Variants in ABCG8 observed in about 807,000 individuals in gnomAD.
ABCG8 encodes ATP-binding cassette sub-family G member 8.
A neutral mutation model predicts 71.3 loss-of-function variants in ABCG8; 81 were observed. The ratio of observed to expected loss-of-function variants is 1.14; its 90% CI spans 0.95 to 1.37. The LOEUF (loss-of-function observed/expected upper bound fraction) is 1.37. ABCG8 is among the 40% of genes most tolerant of loss of function. ABCG8 has a pLI of 0.00. For missense variants in ABCG8, 1,119 were observed against 866.2 expected (o/e 1.29, Z -3.66); for synonymous variants, 451 against 354.7 (o/e 1.27, Z -3.05).
intron 9 of ABCG8, 51 bp downstream of exon 9, chr2:43,874,037 C>G (rs1572866011): frequency 6.3e-7 from 1 of 1,584,976 alleles, no homozygotes; most frequent in Non-Finnish European, 8.6e-7. Context: ...CACCTCCAAG[C>G]TGTGTTCCTC....
intron 10 of ABCG8, among the ~76,000 whole-genome samples, chr2:43,874,744 A>G (rs535877998): frequency 6.6e-5 from 10 of 152,322 alleles, no homozygotes; most frequent in African/African-American, 2.4e-4. Context: ...AGAAGTCCTC[A>G]TTGTATTTTA....
chr2:43,868,738 G>A (rs1240438932), intron 6 of ABCG8, among the ~76,000 whole-genome samples: 1 of 150,732 alleles, frequency 6.6e-6, no homozygotes, highest in South Asian at 2.1e-4. Context: ...CTATCGATCA[G>A]GATAGAATTC....
chr2:43,840,420 G>C (rs1016320849), intron 1 of ABCG8, among the ~76,000 whole-genome samples: 1 of 152,194 alleles, frequency 6.6e-6, no homozygotes, highest in South Asian at 2.1e-4. Flanking sequence ...ACCACAGCTT[G>C]AGAGGCAAAG....
chr2:43,839,363 G>A (rs1448889342), intron 1 of ABCG8, among the ~76,000 whole-genome samples: 1 of 141,844 alleles, frequency 7.1e-6, no homozygotes, highest in African/African-American at 2.6e-5. Flanking sequence ...TCTTTTGTGT[G>A]ATGTGGGACA....
At chr2:43,852,145 G>C (rs554104050) in intron 4 of ABCG8, among the ~76,000 whole-genome samples, 1 of 152,346 alleles carries the variant, frequency 6.6e-6, no homozygotes, top group African/African-American at 2.4e-5. Flanking sequence ...CCTAACACAG[G>C]GCACCATGCC....
At chr2:43,841,929 A>G (rs1668591954) in intron 1 of ABCG8, among the ~76,000 whole-genome samples, 1 of 152,198 alleles carries the variant, frequency 6.6e-6, no homozygotes, top group African/African-American at 2.4e-5. Context: ...ACATTGTCTA[A>G]TATCCCTCCT....
chr2:43,874,953 G>C (rs1386491162), intron 10 of ABCG8, among the ~76,000 whole-genome samples, 193 bp from the exon 11 acceptor site: 1 of 152,158 alleles, frequency 6.6e-6, no homozygotes, highest in African/African-American at 2.4e-5. Context: ...TGCCCTAGAG[G>C]GAGCATTTGG....
In ABCG8 at chr2:43,874,301, G is replaced by T; in HGVS notation, c.1412-106G>T. The T allele has an allele frequency of 2.9e-6, 3 of 1,040,502 alleles. No homozygotes were observed. In the South Asian group the frequency reaches 3.9e-5, roughly 13 times the overall value. 64.5% of individuals were successfully genotyped at this position (1,040,502 alleles called of 1,614,324 possible). The stretch of plus-strand genomic sequence containing the variant: ...TTTAAAAAAAAAAATTAGAGACTTG[G>T]GCAATATGATAACTACTTTGAATTG... On this transcript the variant is annotated intron_variant, in intron 9 of 12. Transcript: ENST00000272286.
At position 43,851,746 on chromosome 2, in the gene ABCG8, C is replaced by G. The variant is rs755956704; in HGVS notation, c.485C>G (p.Thr162Ser). Residue 162 changes from threonine (T) to serine (S), a missense_variant, in exon 4 of 13, where the codon ACT becomes AGT. By Grantham distance (58) the Thr-to-Ser change is moderately conservative (BLOSUM62 1). Coordinates refer to ENST00000272286, the MANE Select transcript of ABCG8 (RefSeq NM_022437.3). ...RQHNQLLPNL[T>S]VRETLAFIAQ... ...CACAACCAGCTGCTCCCCAACTTGA[C>G]TGTGCGAGAGACCTTGGCCTTCATT... The G allele has an allele frequency of 1.9e-6, 3 of 1,614,276 alleles. No homozygotes were observed. Among genetic ancestry groups the G allele is most frequent in the Non-Finnish European group, 2.5e-6 (3 of 1,180,044 alleles).
intron 9 of ABCG8, 66 bp from the exon 10 acceptor site, chr2:43,874,341 C>T: frequency 7.6e-7 from 1 of 1,307,384 alleles, no homozygotes; most frequent in Non-Finnish European, 1.1e-6. Context: ...AAGAGAGTCT[C>T]CAAAACAGAA....
rs543122409 is a variant in ABCG8 at position 43,863,384 on chromosome 2, G to A, written c.965-8592G>A. On this transcript the variant is annotated intron_variant, in intron 6 of 12. Coordinates refer to ENST00000272286, the MANE Select transcript of ABCG8 (RefSeq NM_022437.3). ...ATCTGCATAGAATTCTCACTCTCTA[G>A]ATAGAACTCTCGCTATTCATCTAGA... Among the ~76,000 whole-genome samples the A allele has an allele frequency of 1.8e-3, 265 of 147,504 alleles. 1 individual carries two copies. Among genetic ancestry groups the A allele is most frequent in the Middle Eastern group, 4.1e-3 (1 of 242 alleles).
intron 6 of ABCG8, among the ~76,000 whole-genome samples, chr2:43,862,562 C>G (rs1010062059): frequency 2.7e-5 from 4 of 145,712 alleles, no homozygotes; most frequent in Admixed American, 1.4e-4. Flanking sequence ...GAATAAAACT[C>G]TCACTATGTT....
In ABCG8 at chr2:43,839,038, C is replaced by T. The variant is rs898914312; in HGVS notation, c.-16C>T. On this transcript the variant is annotated 5_prime_UTR_variant, in exon 1 of 13. Transcript: ENST00000272286. ...CTAAGAGAGCTGCAGCCCAGGGTCA[C>T]AGACCTGTGGGCCCCATGGCCGGGA... is the stretch of plus-strand genomic sequence containing the variant. 21 of 1,550,724 alleles carry T rather than the reference C, an allele frequency of 1.4e-5. No homozygotes were observed. The highest frequency in any genetic ancestry group is 1.7e-5 in the Non-Finnish European group (20 of 1,146,688).
At chr2:43,867,763 C>T (rs530390153) in intron 6 of ABCG8, among the ~76,000 whole-genome samples, 10 of 152,096 alleles carry the variant, frequency 6.6e-5, no homozygotes, top group Non-Finnish European at 5.9e-5. Flanking sequence ...AGAACTGTCA[C>T]TATCTGGAAG....
intron 6 of ABCG8, among the ~76,000 whole-genome samples, chr2:43,860,027 T>A (rs1669251179): frequency 6.6e-6 from 1 of 151,198 alleles, no homozygotes; most frequent in Admixed American, 6.6e-5. Context: ...CTGGATAGAA[T>A]TATCATCCTC....
chr2:43,868,593 A>G (rs1669619178), intron 6 of ABCG8, among the ~76,000 whole-genome samples: 1 of 152,034 alleles, frequency 6.6e-6, no homozygotes, highest in African/African-American at 2.4e-5. Flanking sequence ...TCTGGATAGA[A>G]TAATCATCGT....
At chr2:43,867,396 G>T (rs1243951293) in intron 6 of ABCG8, among the ~76,000 whole-genome samples, 1 of 151,488 alleles carries the variant, frequency 6.6e-6, no homozygotes, top group African/African-American at 2.4e-5. Context: ...TCACTATCTG[G>T]ATAAAATTCT....
intron 6 of ABCG8, among the ~76,000 whole-genome samples, chr2:43,861,092 C>T (rs1339430548): frequency 2.0e-5 from 3 of 151,326 alleles, no homozygotes; most frequent in African/African-American, 4.8e-5. Context: ...AAATAACTCT[C>T]ACCATCTGGG....
At chr2:43,873,742 T>C (rs1558854878) in intron 8 of ABCG8, 45 bp from the exon 9 acceptor site, 1 of 1,590,036 alleles carries the variant, frequency 6.3e-7, no homozygotes, top group Non-Finnish European at 8.6e-7. Flanking sequence ...GTCACGGGGC[T>C]GGTGTATGCT....
Sources: allele counts gnomAD v4.1 joint callset (sites outside exome capture counted in the v4.1 genomes callset), GRCh38; gene constraint gnomAD v4.1.1; transcripts MANE v1.5; gene names NCBI Gene and HGNC (gene_info 2026-07-23, HGNC 2026-07-21).